HOXC4: variants seen among roughly 807,000 people sequenced by gnomAD.
The protein encoded by HOXC4 is homeobox protein Hox-C4.
A neutral mutation model predicts 25.5 loss-of-function variants in HOXC4; 15 were observed. The ratio of observed to expected loss-of-function variants is 0.59; its 90% CI spans 0.39 to 0.91. The LOEUF is 0.91. Ranked by LOEUF, HOXC4 falls within the 40% of genes least tolerant of loss-of-function variation. HOXC4 has a pLI of 0.00. For synonymous variants in HOXC4, 165 were observed against 148.0 expected, an observed-to-expected ratio of 1.11 and a Z score of -0.83; for missense variants, 342 against 352.4, an observed-to-expected ratio of 0.97 and a Z score of 0.24.
At position 54,055,712 on chromosome 12, in the gene HOXC4, G is replaced by A. The variant is rs985197261; in HGVS notation, c.*507G>A. 1 of 151,136 alleles carries A rather than the reference G, an allele frequency of 6.6e-6. No homozygotes were observed. Among genetic ancestry groups the A allele is most frequent in the Non-Finnish European group, 1.5e-5 (1 of 67,862 alleles). 9.4% of individuals were successfully genotyped at this position (151,136 alleles called of 1,614,324 possible). ...TTAGTGAGGGGGAAGTCATTTTAAG[G>A]AGAACAAAGCTATGAAGTTCTTTTG... On this transcript the variant is annotated 3_prime_UTR_variant, in exon 2 of 2. Coordinates refer to ENST00000430889, the MANE Select transcript of HOXC4 (RefSeq NM_153633.3).
chr12:54,037,613 ACCCTCTCCC>A lies in HOXC4; in HGVS notation c.-123-15538_-123-15530del, dbSNP rs145079453. ...TAAGTAAATAAATAAATAAGGATCC[ACCCTCTCCC>A]CCCTCTCCACCCTGCAAGGGGGATG... On this transcript the variant is annotated intron_variant, in intron 1 of 3. Transcript: ENST00000303406. Among the ~76,000 whole-genome samples, 2,403 of 152,182 alleles carry A rather than the reference ACCCTCTCCC, an allele frequency of 0.016. 160 individuals are homozygous for A. The East Asian group carries it at 0.19, about 12-fold the overall frequency.
intron 1 of HOXC4, among the ~76,000 whole-genome samples, chr12:54,029,385 C>G (rs991783579): frequency 1.3e-5 from 2 of 149,610 alleles, no homozygotes; most frequent in Admixed American, 6.6e-5. Context: ...TTGCAGCTTT[C>G]TGTTTGCCTT....
chr12:54,054,144 G>A lies in HOXC4; in HGVS notation c.222G>A (p.Gly74=), dbSNP rs556066980. The change falls in exon 1 of 2, where the codon GGG becomes GGA. Residue 74 remains glycine, a synonymous_variant. Transcript: ENST00000430889. Reference sequence around the variant, plus strand: ...AGTATAGCTGCACCAGTCTCCAGGGGCCCGGCAATTCGCGAGGCCACGGGC... The same window carrying A: ...AGTATAGCTGCACCAGTCTCCAGGGACCCGGCAATTCGCGAGGCCACGGGC... ...ERQYSCTSLQ[G]PGNSRGHGPA... The A allele has an allele frequency of 1.2e-6, 2 of 1,613,988 alleles. No homozygotes were observed. Among genetic ancestry groups the A allele is most frequent in the South Asian group, 1.1e-5 (1 of 91,068 alleles).
At chr12:54,024,266 G>T (rs1265112926) in intron 1 of HOXC4, among the ~76,000 whole-genome samples, 6 of 152,188 alleles carry the variant, frequency 3.9e-5, no homozygotes, top group Non-Finnish European at 8.8e-5. Context: ...TCGGGCAGCT[G>T]CGGTCGCGTC....
chr12:54,032,777 A>C (rs1592237042), intron 1 of HOXC4: 10 of 150,326 alleles, frequency 6.7e-5, no homozygotes, highest in Non-Finnish European at 7.0e-5. Context: ...TGTCCCGGCT[A>C]CCCCCAATTC....
At chr12:54,039,260 G>A (rs570253703) in intron 1 of HOXC4, among the ~76,000 whole-genome samples, 18 of 152,296 alleles carry the variant, frequency 1.2e-4, no homozygotes, top group African/African-American at 4.1e-4. Flanking sequence ...TTGTGGAGAG[G>A]TGCTGTTGGG....
At chr12:54,022,995 T>G (rs1940517278) in intron 1 of HOXC4, among the ~76,000 whole-genome samples, 1 of 152,168 alleles carries the variant, frequency 6.6e-6, no homozygotes, top group Admixed American at 6.5e-5. Context: ...GAAAATATTC[T>G]GGATATTCTG....
rs1169529552 is a variant in HOXC4, at chr12:54,033,724, G to A, written c.-124+16310G>A. The A allele has an allele frequency of 1.7e-4, 114 of 686,254 alleles. 1 individual carries two copies. In the East Asian group the frequency reaches 3.1e-3, roughly 19 times the overall value. 42.5% of individuals were successfully genotyped at this position (686,254 alleles called of 1,614,324 possible). On this transcript the variant is annotated intron_variant, in intron 1 of 3. Coordinates refer to the HOXC4 transcript ENST00000303406. ...AAACTGTCCACTAAAAGGCTTAGAG[G>A]CTGTGTGCGCCCAAATTTACGACGA...
At chr12:54,019,392 G>C (rs1370807207) in intron 1 of HOXC4, among the ~76,000 whole-genome samples, 1 of 152,206 alleles carries the variant, frequency 6.6e-6, no homozygotes, top group Non-Finnish European at 1.5e-5. Context: ...GGAACCCGGA[G>C]TCTGTGGGAC....
chr12:54,048,961 A>G (rs934593755), upstream of HOXC4, among the ~76,000 whole-genome samples: 1 of 152,226 alleles, frequency 6.6e-6, no homozygotes. Context: ...GCATCCACAC[A>G]TCAGAATTTT....
chr12:54,054,854 C>A lies in HOXC4; in HGVS notation c.444C>A (p.Asn148Lys), dbSNP rs1937937826. Residue 148 changes from asparagine to lysine, a missense_variant, in exon 2 of 2, where the codon AAC becomes AAA. Coordinates refer to ENST00000430889, the MANE Select transcript of HOXC4 (RefSeq NM_153633.3). ...WMKKIHVSTVNPNYNGGEPKR... is the reference protein window; with the variant it reads ...WMKKIHVSTVKPNYNGGEPKR... ...TTGCTTTTCCCCTCCCCCCAGTGAACCCCAATTATAACGGAGGGGAACCCA... is the reference window on the plus strand; with the variant it reads ...TTGCTTTTCCCCTCCCCCCAGTGAAACCCAATTATAACGGAGGGGAACCCA... The A allele has an allele frequency of 1.9e-6, 3 of 1,602,658 alleles. No homozygotes were observed. Among genetic ancestry groups the A allele is most frequent in the Non-Finnish European group, 2.6e-6 (3 of 1,171,356 alleles).
In HOXC4 at chr12:54,053,997, A is replaced by G. The variant is rs1332826469; in HGVS notation, c.75A>G (p.Gln25=). The part of the protein sequence containing the change: ...PKFPPCEEYS[Q]NSYIPEHSPE... Reference sequence around the variant, plus strand: ...TTCCTCCATGCGAAGAATATTCGCAAAATAGCTACATCCCTGAACACAGTC... The same window carrying G: ...TTCCTCCATGCGAAGAATATTCGCAGAATAGCTACATCCCTGAACACAGTC... Residue 25 remains glutamine, a synonymous_variant, in exon 1 of 2, where the codon CAA becomes CAG. Coordinates refer to ENST00000430889, the MANE Select transcript of HOXC4 (RefSeq NM_153633.3). 6.2e-7 allele frequency: 1 copy of G among 1,614,184 alleles called. No homozygotes were observed. The highest frequency in any genetic ancestry group is 8.5e-7 in the Non-Finnish European group (1 of 1,180,024).
intron 1 of HOXC4, chr12:54,032,773 G>A (rs529403740): frequency 1.2e-5 from 2 of 171,584 alleles, no homozygotes; most frequent in South Asian, 1.6e-4. Context: ...TTGTTGTCCC[G>A]GCTACCCCCA....
chr12:54,028,070 T>C (rs886416773), intron 1 of HOXC4, among the ~76,000 whole-genome samples: 4 of 151,998 alleles, frequency 2.6e-5, no homozygotes, highest in Non-Finnish European at 5.9e-5. Flanking sequence ...GGGGCAGATA[T>C]AAAACATGAA....
At chr12:54,053,375 A>G (rs997463237), upstream of HOXC4, 1 of 152,964 alleles carries the variant, frequency 6.5e-6, no homozygotes, top group Non-Finnish European at 1.5e-5. Context: ...GCCCCTCCCC[A>G]TCCAACATCC....
chr12:54,051,149 G>A (rs571014253), upstream of HOXC4, among the ~76,000 whole-genome samples: 9 of 152,164 alleles, frequency 5.9e-5, no homozygotes, highest in South Asian at 6.2e-4. Flanking sequence ...TGAGTGTGAG[G>A]GCTGAGAGGA....
At chr12:54,034,526 A>T in intron 1 of HOXC4, 2 of 1,561,334 alleles carry the variant, frequency 1.3e-6, no homozygotes, top group Non-Finnish European at 1.8e-6. Context: ...GCGCGCCCCT[A>T]GCCGGTTCCT....
At chr12:54,020,493 C>T (rs532063656) in intron 1 of HOXC4, 1 of 152,248 alleles carries the variant, frequency 6.6e-6, no homozygotes, top group South Asian at 2.1e-4. Flanking sequence ...AGAAGGCGAC[C>T]TTGTTGGGTT....
At chr12:54,018,445 G>A (rs1258649651) in intron 1 of HOXC4, among the ~76,000 whole-genome samples, 1 of 152,220 alleles carries the variant, frequency 6.6e-6, no homozygotes, top group Non-Finnish European at 1.5e-5. Flanking sequence ...TGAGGATTCC[G>A]GGGGCTGCTG....
Sources: gnomAD v4.1 joint callset for allele counts (sites outside exome capture counted in the v4.1 genomes callset) on GRCh38, gnomAD v4.1.1 for gene constraint, MANE v1.5 for transcripts, NCBI Gene and HGNC (gene_info 2026-07-23, HGNC 2026-07-21) for gene names.